The following SAMMSON variants were observed in gnomAD, a reference collection of about 807,000 sequenced individuals.
SAMMSON encodes long intergenic non-protein coding RNA 1212.
At chr3:70,322,467 A>T (rs980991373) in intron 7 of SAMMSON, among the ~76,000 whole-genome samples, 1 of 152,154 alleles carries the variant, frequency 6.6e-6, no homozygotes, top group African/African-American at 2.4e-5. Flanking sequence ...TAGGACAGAC[A>T]ACCATGCTTT....
intron 6 of SAMMSON, among the ~76,000 whole-genome samples, chr3:70,282,207 C>A (rs2106682867): frequency 6.6e-6 from 1 of 152,226 alleles, no homozygotes; most frequent in East Asian, 1.9e-4. Context: ...TCTTTCCTGG[C>A]AGTATTTGCT....
At chr3:70,110,427 G>T (rs552580031) in intron 4 of SAMMSON, among the ~76,000 whole-genome samples, 20 of 152,250 alleles carry the variant, frequency 1.3e-4, no homozygotes, top group African/African-American at 4.3e-4. Context: ...GTGAAGAGGG[G>T]TGATTTACTA....
chr3:70,351,525 T>C (rs1702795366), intron 7 of SAMMSON, among the ~76,000 whole-genome samples: 1 of 152,108 alleles, frequency 6.6e-6, no homozygotes. Flanking sequence ...AAATATTATA[T>C]ATTTAAAATG....
At chr3:70,024,921 A>G (rs988544103) in intron 3 of SAMMSON, 4 of 152,304 alleles carry the variant, frequency 2.6e-5, no homozygotes, top group East Asian at 3.9e-4. Context: ...TGTTTAGTCA[A>G]TTGTGAGAAG....
At position 70,378,582 on chromosome 3, in the gene SAMMSON, A is replaced by G. The variant is rs995762349; in HGVS notation, n.914-10992A>G. 3.9e-5 allele frequency among the ~76,000 whole-genome samples: 6 copies of G among 152,124 alleles called. No homozygotes were observed. The South Asian group carries it at 1.0e-3, about 26-fold the overall frequency. On this transcript the variant is annotated intron_variant and non_coding_transcript_variant, in intron 9 of 9. Coordinates refer to ENST00000642114, the Ensembl canonical transcript of SAMMSON. Reference sequence around the variant, plus strand: ...TATAATGTTTTGTTATATATAAACTATAGAATTCTATTTTATTATAACAGT... The same window carrying G: ...TATAATGTTTTGTTATATATAAACTGTAGAATTCTATTTTATTATAACAGT...
At chr3:70,248,222 A>G (rs1701727024) in intron 4 of SAMMSON, among the ~76,000 whole-genome samples, 1 of 152,138 alleles carries the variant, frequency 6.6e-6, no homozygotes, top group African/African-American at 2.4e-5. Context: ...GTTATGTGCT[A>G]TAAAAACATA....
intron 7 of SAMMSON, among the ~76,000 whole-genome samples, chr3:70,297,053 G>A (rs1235222137): frequency 6.6e-6 from 1 of 151,942 alleles, no homozygotes; most frequent in East Asian, 1.9e-4. Flanking sequence ...GCTGATTGAT[G>A]AATTAAGGAA....
intron 2 of SAMMSON, among the ~76,000 whole-genome samples, chr3:70,420,878 A>T (rs922312864): frequency 4.6e-5 from 7 of 152,302 alleles, no homozygotes; most frequent in African/African-American, 1.7e-4. Context: ...GAAAGTGTAG[A>T]GTGGCTCTAC....
At chr3:70,114,728 G>A (rs940974286) in intron 4 of SAMMSON, among the ~76,000 whole-genome samples, 1 of 152,168 alleles carries the variant, frequency 6.6e-6, no homozygotes, top group Non-Finnish European at 1.5e-5. Context: ...CAAAGGCCAA[G>A]TAGAGATGAT....
chr3:70,154,156 A>G (rs1250941001), intron 4 of SAMMSON, among the ~76,000 whole-genome samples: 1 of 151,976 alleles, frequency 6.6e-6, no homozygotes, highest in Non-Finnish European at 1.5e-5. Context: ...CATTTAAATC[A>G]GAAAAATGTA....
intron 7 of SAMMSON, chr3:70,332,931 T>TA (rs1428773583): frequency 1.3e-5 from 2 of 152,184 alleles, no homozygotes; most frequent in African/African-American, 4.8e-5. Flanking sequence ...TAGTTGATGT[T>TA]ACTATGAGTA....
intron 7 of SAMMSON, among the ~76,000 whole-genome samples, chr3:70,313,316 T>C (rs951259571): frequency 6.6e-6 from 1 of 150,540 alleles, no homozygotes; most frequent in Admixed American, 6.6e-5. Context: ...AAAATTTAAA[T>C]TTTTTTTTTA....
chr3:70,291,857 G>A (rs1176197521), intron 7 of SAMMSON: 4 of 152,058 alleles, frequency 2.6e-5, no homozygotes, highest in East Asian at 1.9e-4. Flanking sequence ...TCTTATCTTC[G>A]GCTTCCTGGA....
At chr3:70,017,827 A>C (rs960168068) in intron 3 of SAMMSON, among the ~76,000 whole-genome samples, 17 of 152,088 alleles carry the variant, frequency 1.1e-4, no homozygotes, top group Admixed American at 6.6e-4. Flanking sequence ...CCTTTTCTTC[A>C]TCTATTGAGA....
At chr3:70,286,363 A>G (rs1449875927) in intron 6 of SAMMSON, among the ~76,000 whole-genome samples, 5 of 151,986 alleles carry the variant, frequency 3.3e-5, no homozygotes, top group African/African-American at 9.7e-5. Flanking sequence ...AAGATCAGAT[A>G]GTTGTAGATA....
intron 6 of SAMMSON, among the ~76,000 whole-genome samples, chr3:70,258,035 G>C (rs1701832850): frequency 6.6e-6 from 1 of 152,178 alleles, no homozygotes; most frequent in Non-Finnish European, 1.5e-5. Flanking sequence ...GGGAAATGGA[G>C]AGTCTTTTCA....
chr3:70,157,019 C>A (rs2067594726), intron 4 of SAMMSON, among the ~76,000 whole-genome samples: 2 of 152,054 alleles, frequency 1.3e-5, no homozygotes, highest in East Asian at 1.9e-4. Flanking sequence ...TCAATATCTA[C>A]TAGTCTTGGA....
chr3:70,293,094 G>A lies in SAMMSON; in HGVS notation n.739+1851G>A, dbSNP rs1001448928. ...AAAGTAGCATATTACATGACGAGAAGAAAGAAAATTCAGTATTCACCAACT... is the reference window on the plus strand; with the variant it reads ...AAAGTAGCATATTACATGACGAGAAAAAAGAAAATTCAGTATTCACCAACT... On this transcript the variant is annotated intron_variant and non_coding_transcript_variant, in intron 7 of 9. Coordinates refer to ENST00000642114, the Ensembl canonical transcript of SAMMSON. Among the ~76,000 whole-genome samples the A allele has an allele frequency of 8.5e-5, 10 of 117,770 alleles. No homozygotes were observed. In the East Asian group the frequency reaches 2.1e-3, roughly 24 times the overall value. 77.3% of individuals were successfully genotyped at this position (117,770 alleles called of 152,430 possible). A position where few individuals can be genotyped will look rare whatever the true frequency, so the allele number is the denominator to read the frequency against.
At chr3:70,208,928 G>T (rs961466408) in intron 4 of SAMMSON, among the ~76,000 whole-genome samples, 2 of 152,010 alleles carry the variant, frequency 1.3e-5, no homozygotes, top group African/African-American at 4.8e-5. Flanking sequence ...CAGAAATAGG[G>T]ATTCAAGAAA....
Sources: gnomAD v4.1 joint callset for allele counts (sites outside exome capture counted in the v4.1 genomes callset) on GRCh38, gnomAD v4.1.1 for gene constraint, MANE v1.5 for transcripts, NCBI Gene and HGNC (gene_info 2026-07-23, HGNC 2026-07-21) for gene names.